Variants in TNC observed in about 807,000 individuals in gnomAD.
The protein encoded by TNC is tenascin.
In TNC, 109 loss-of-function variants were observed where a neutral mutation model predicts 202.4. That is an observed-to-expected ratio of 0.54 (90% CI 0.46 to 0.63). The LOEUF is 0.63. Among genes scored for constraint, TNC ranks in the 30% least tolerant of loss-of-function variants. The probability of loss-of-function intolerance (pLI) is 0.00; values close to 1 mark genes in which losing one functional copy is unlikely to be tolerated. For missense variants in TNC, 2,756 were observed against 2,833.3 expected (o/e 0.97, Z 0.62); for synonymous variants, 1,007 against 1,089.7 (o/e 0.92, Z 1.50).
chr9:115,078,236 G>A (rs892193502), intron 6 of TNC, 24 bp from the exon 7 acceptor site: 2 of 1,585,484 alleles, frequency 1.3e-6, no homozygotes, highest in Non-Finnish European at 1.7e-6. Context: ...AGGACAGAGA[G>A]GCTTCAGAGG....
rs16932195 is a variant in TNC at position 115,081,787 on chromosome 9, T to A, written c.2389A>T (p.Arg797Trp). ...TGATACTCACGTGTGGTGGTCACCC[T>A]CTTCAGGCCAGGGCCCCGGGTATTG... ...KNNTRGPGLK[R>W]VTTTRLDAPS... is the part of the protein sequence containing the mutation. Residue 797 changes from arginine (R) to tryptophan (W), a missense_variant, in exon 6 of 28, where the codon AGG becomes TGG. Arg to Trp is a moderately radical substitution (Grantham distance 101). This residue lies in a region of TNC where 2,559 missense variants were observed against 2,546.0 expected (regional missense o/e 1.01). Coordinates refer to ENST00000350763, the MANE Select transcript of TNC (RefSeq NM_002160.4). 1 of 1,613,982 alleles carries A rather than the reference T, an allele frequency of 6.2e-7. No individual in the cohort carries two copies.
intron 27 of TNC, among the ~76,000 whole-genome samples, chr9:115,022,248 T>A (rs1033381917): frequency 6.6e-6 from 1 of 152,270 alleles, no homozygotes; most frequent in Admixed American, 6.5e-5. Flanking sequence ...GGTTTAAGAA[T>A]GGCTCATTCA....
chr9:115,084,258 G>A lies in TNC; in HGVS notation c.2082C>T (p.Ala694=). ...GAATGCTCTTCTTGTTCTCCAGGAT[G>A]GCAAATACACGGATAAAGTACTCCA... ...PGVEYFIRVF[A]ILENKKSIPV... Residue 694 remains alanine, a synonymous_variant, in exon 4 of 28, where the codon GCC becomes GCT. Coordinates refer to ENST00000350763, the MANE Select transcript of TNC (RefSeq NM_002160.4). 6.2e-7 allele frequency: 1 copy of A among 1,614,154 alleles called. No homozygotes were observed. The highest frequency in any genetic ancestry group is 8.5e-7 in the Non-Finnish European group (1 of 1,180,026).
chr9:115,104,542 T>C (rs1836469799), intron 1 of TNC, among the ~76,000 whole-genome samples: 1 of 152,226 alleles, frequency 6.6e-6, no homozygotes, highest in Non-Finnish European at 1.5e-5. Flanking sequence ...TGGGGAGCCT[T>C]GGACAACGTC....
chr9:115,083,619 T>G (rs896948954), intron 4 of TNC, among the ~76,000 whole-genome samples: 1 of 148,394 alleles, frequency 6.7e-6, no homozygotes, highest in African/African-American at 2.6e-5. Context: ...TTTTTTTTTT[T>G]TCTTGAGACA....
intron 1 of TNC, among the ~76,000 whole-genome samples, chr9:115,114,237 C>A (rs549034793): frequency 4.6e-5 from 7 of 152,348 alleles, no homozygotes; most frequent in African/African-American, 1.7e-4. Context: ...TCCCTACAAT[C>A]TTCTCAGAGT....
chr9:115,064,653 A>T lies in TNC; in HGVS notation c.3481T>A (p.Ser1161Thr), dbSNP rs774310613. The T allele has an allele frequency of 6.2e-7, 1 of 1,601,004 alleles. No individual in the cohort carries two copies. The highest frequency in any genetic ancestry group is 1.7e-5 in the Admixed American group (1 of 59,186). ...YRTPVLSAEASTGETPNLGEV... is the reference protein window; with the variant it reads ...YRTPVLSAEATTGETPNLGEV... ...ATAGAAAGGAAAGAGATACCTGTGGAGGCCTCAGCAGAGAGCACTGGTGTT... is the reference window on the plus strand; with the variant it reads ...ATAGAAAGGAAAGAGATACCTGTGGTGGCCTCAGCAGAGAGCACTGGTGTT... The change falls in exon 11 of 28, where the codon TCC becomes ACC. Residue 1161 changes from serine (S) to threonine (T), a missense_variant. Ser to Thr is a moderately conservative substitution (Grantham distance 58). Transcript: ENST00000350763.
At chr9:115,026,776 C>T in intron 25 of TNC, 81 bp from the exon 26 acceptor site, 3 of 1,407,216 alleles carry the variant, frequency 2.1e-6, no homozygotes, top group Non-Finnish European at 1.9e-6. Context: ...AAAGCGGCAA[C>T]TGGGTACACT....
chr9:115,030,177 C>A (rs1829838362), intron 24 of TNC, 77 bp downstream of exon 24: 1 of 1,423,646 alleles, frequency 7.0e-7, no homozygotes, highest in Admixed American at 1.9e-5. Flanking sequence ...GAGGAGATCA[C>A]CCTCTTCTCC....
At chr9:115,064,973 T>A (rs533792693) in intron 10 of TNC, 54 bp from the exon 11 acceptor site, 2 of 1,571,690 alleles carry the variant, frequency 1.3e-6, no homozygotes, top group Admixed American at 1.7e-5. Context: ...AAGTTTTGCT[T>A]CTGAGAACCT....
At position 115,087,084 on chromosome 9, in the gene TNC, C is replaced by T. The variant is rs752430207; in HGVS notation, c.647G>A (p.Cys216Tyr). The T allele has an allele frequency of 7.4e-6, 12 of 1,614,232 alleles. No homozygotes were observed. The South Asian group carries it at 1.3e-4, about 18-fold the overall frequency. Residue 216 changes from cysteine to tyrosine, a missense_variant, in exon 3 of 28, where the codon TGC becomes TAC. By Grantham distance (194) the Cys-to-Tyr change is radical (BLOSUM62 -2). This residue lies in a region of TNC where 2,559 missense variants were observed against 2,546.0 expected (regional missense o/e 1.01). Coordinates refer to ENST00000350763, the MANE Select transcript of TNC (RefSeq NM_002160.4). ...GTCGCTGGGGCAAGCCAGCTGGCTG[C>T]AGTCCTCGCCCGTGAAGCCGTCGTC... is the stretch of plus-strand genomic sequence containing the variant. ...ICDDGFTGED[C>Y]SQLACPSDCN...
intron 10 of TNC, among the ~76,000 whole-genome samples, chr9:115,072,001 C>T (rs958246083): frequency 1.3e-5 from 2 of 152,114 alleles, no homozygotes; most frequent in African/African-American, 4.8e-5. Context: ...CAGAATTGAC[C>T]ACGTAAACTC....
chr9:115,076,715 T>C, intron 7 of TNC, 140 bp from the exon 8 acceptor site: 5 of 949,842 alleles, frequency 5.3e-6, no homozygotes, highest in Non-Finnish European at 7.9e-6. Context: ...TCTGTCCCCA[T>C]AGTGGATGTG....
chr9:115,063,799 T>C lies in TNC; in HGVS notation c.3757A>G (p.Thr1253Ala). 1.9e-6 allele frequency: 3 copies of C among 1,609,954 alleles called. No individual in the cohort carries two copies. The highest frequency in any genetic ancestry group is 2.5e-6 in the Non-Finnish European group (3 of 1,176,590). Residue 1253 changes from threonine (T) to alanine (A), a missense_variant, in exon 12 of 28, where the codon ACA becomes GCA. Coordinates refer to ENST00000350763, the MANE Select transcript of TNC (RefSeq NM_002160.4). ...STTPLSVEVLTEEVPDMGNLT... is the reference protein window; with the variant it reads ...STTPLSVEVLAEEVPDMGNLT... ...TTAGTGAATTCGTCTAGAATACCTG[T>C]CAAGACTTCAACAGAGAGAGGGGTT...
chr9:115,114,927 T>TAGCCCTCACC (rs1341128835), intron 1 of TNC: 5 of 25,604 alleles, frequency 2.0e-4, no homozygotes, highest in Admixed American at 4.3e-4. Context: ...TATGTGACAC[T>TAGCCCTCACC]ATTAACTTTG....
chr9:115,054,494 T>C lies in TNC; in HGVS notation c.4579+2659A>G, dbSNP rs567618348. Among the ~76,000 whole-genome samples the C allele has an allele frequency of 1.8e-3, 273 of 152,326 alleles. 1 individual carries two copies. Among genetic ancestry groups the C allele is most frequent in the Admixed American group, 3.5e-3 (53 of 15,300 alleles). On this transcript the variant is annotated intron_variant, in intron 15 of 27. Coordinates refer to ENST00000350763, the MANE Select transcript of TNC (RefSeq NM_002160.4). The stretch of plus-strand genomic sequence containing the variant: ...AACAATCTCCCAAATTAAGGATGCA[T>C]GCTGGGATTCTTCTCATGCTACCAG...
intron 27 of TNC, among the ~76,000 whole-genome samples, chr9:115,021,725 C>T (rs1322805882): frequency 2.0e-5 from 3 of 152,162 alleles, no homozygotes; most frequent in African/African-American, 7.2e-5. Context: ...GCAGAACGAA[C>T]AGCTCAACAA....
In TNC at chr9:115,042,469, A is replaced by G. The variant is rs558348730; in HGVS notation, c.5126-128T>C. 6.2e-6 allele frequency: 8 copies of G among 1,285,644 alleles called. No individual in the cohort carries two copies. In the Admixed American group the frequency reaches 1.4e-4, roughly 23 times the overall value. The allele number at this position is 1,285,644 out of a possible 1,614,324, so 79.6% of individuals were successfully genotyped here. ...TTTGTGTCTGAGCCAAGCCTTTAGG[A>G]TGGAGAATGTGGTGATCTGTGGTTA... is the stretch of plus-strand genomic sequence containing the variant. On this transcript the variant is annotated intron_variant, in intron 17 of 27. Transcript: ENST00000350763.
chr9:115,067,620 G>A (rs544082551), intron 10 of TNC, among the ~76,000 whole-genome samples: 1 of 152,172 alleles, frequency 6.6e-6, no homozygotes, highest in South Asian at 2.1e-4. Flanking sequence ...GATGCACGTT[G>A]GAAAATGTCT....
Sources: allele counts gnomAD v4.1 joint callset (sites outside exome capture counted in the v4.1 genomes callset), GRCh38; gene constraint gnomAD v4.1.1; regional missense constraint gnomAD v4.1.1; transcripts MANE v1.5; gene names NCBI Gene and HGNC (gene_info 2026-07-23, HGNC 2026-07-21).